Variants in ULK4 observed in about 807,000 individuals in gnomAD.
ULK4 encodes inactive serine/threonine-protein kinase ULK4.
ULK4 carries 133 observed loss-of-function variants against 160.6 expected under a neutral mutation model. That is an observed-to-expected ratio of 0.83 (90% CI 0.72 to 0.96). The LOEUF is 0.96. Ranked by LOEUF, ULK4 falls within the 40% of genes least tolerant of loss-of-function variation. ULK4 has a pLI of 0.00. For synonymous variants in ULK4, 534 were observed against 539.8 expected (o/e 0.99, Z 0.15); for missense variants, 1,580 against 1,499.5 (o/e 1.05, Z -0.89).
At chr3:41,773,926 C>T (rs1245241320) in intron 21 of ULK4, among the ~76,000 whole-genome samples, 3 of 152,162 alleles carry the variant, frequency 2.0e-5, no homozygotes, top group Non-Finnish European at 2.9e-5. Context: ...CGCATATCTA[C>T]AACTATCTGA....
chr3:41,750,786 G>A (rs528499483), intron 22 of ULK4, among the ~76,000 whole-genome samples: 58 of 151,734 alleles, frequency 3.8e-4, no homozygotes, highest in African/African-American at 1.1e-3. Flanking sequence ...ATTTGAGGTC[G>A]GGAGTTCAGC....
intron 35 of ULK4, among the ~76,000 whole-genome samples, chr3:41,319,949 T>C (rs1182473186): frequency 6.6e-6 from 1 of 152,238 alleles, no homozygotes; most frequent in Non-Finnish European, 1.5e-5. Flanking sequence ...ATTGATTCCA[T>C]AGTTTCTTCA....
intron 32 of ULK4, among the ~76,000 whole-genome samples, chr3:41,484,674 G>T (rs555904361): frequency 6.9e-4 from 105 of 152,132 alleles, no homozygotes; most frequent in African/African-American, 2.3e-3. Flanking sequence ...GGATGGTCTT[G>T]ATCTCCTGAC....
intron 16 of ULK4, among the ~76,000 whole-genome samples, chr3:41,894,076 T>A (rs1041467792): frequency 6.6e-6 from 1 of 152,200 alleles, no homozygotes; most frequent in Non-Finnish European, 1.5e-5. Context: ...AAAAACAGTA[T>A]GTGTGAATTT....
chr3:41,492,722 G>A (rs184871395), intron 32 of ULK4, among the ~76,000 whole-genome samples: 5,883 of 151,866 alleles, frequency 0.039, 371 homozygotes, highest in African/African-American at 0.13. Context: ...AAAATAAAAG[G>A]ATGGAGGAAG....
At chr3:41,484,862 T>G (rs551689612) in intron 32 of ULK4, among the ~76,000 whole-genome samples, 2 of 152,344 alleles carry the variant, frequency 1.3e-5, no homozygotes, top group Admixed American at 1.3e-4. Context: ...CAGATTGTGG[T>G]AAATGAATAT....
At chr3:41,655,388 GA>G (rs2034899112) in intron 30 of ULK4, among the ~76,000 whole-genome samples, 1 of 105,442 alleles carries the variant, frequency 9.5e-6, no homozygotes, top group Non-Finnish European at 1.8e-5. Context: ...GGGGTGGGGG[GA>G]GGGGGGAGGG....
chr3:41,937,193 T>C (rs1699801044), intron 3 of ULK4: 1 of 475,250 alleles, frequency 2.1e-6, no homozygotes, highest in Non-Finnish European at 3.8e-6. Context: ...GACGTGCAGT[T>C]ACAAACGTAG....
At chr3:41,517,759 G>C (rs1226127625) in intron 32 of ULK4, among the ~76,000 whole-genome samples, 1 of 152,226 alleles carries the variant, frequency 6.6e-6, no homozygotes, top group Non-Finnish European at 1.5e-5. Context: ...ACTCAGGGCT[G>C]TCTCAGCCAC....
chr3:41,729,348 T>C (rs2037752031), intron 22 of ULK4, among the ~76,000 whole-genome samples: 1 of 152,176 alleles, frequency 6.6e-6, no homozygotes, highest in Non-Finnish European at 1.5e-5. Flanking sequence ...CCAATTGCAG[T>C]TCAGGAAGCT....
intron 34 of ULK4, among the ~76,000 whole-genome samples, chr3:41,447,168 GT>G (rs1462027723): frequency 6.7e-6 from 1 of 149,304 alleles, no homozygotes; most frequent in Non-Finnish European, 1.5e-5. Flanking sequence ...CATGACCCAC[GT>G]TTCACAGTTC....
chr3:41,297,667 A>G (rs2125708265), intron 35 of ULK4, among the ~76,000 whole-genome samples: 1 of 152,332 alleles, frequency 6.6e-6, no homozygotes, highest in Non-Finnish European at 1.5e-5. Flanking sequence ...CACTGAATTC[A>G]ACTGAAGCCA....
chr3:41,744,295 C>T (rs1438209468), intron 22 of ULK4, among the ~76,000 whole-genome samples: 1 of 151,882 alleles, frequency 6.6e-6, no homozygotes, highest in Non-Finnish European at 1.5e-5. Flanking sequence ...CAACAATGTG[C>T]TGCCTGTAAG....
chr3:41,821,791 G>A (rs1270150378), intron 18 of ULK4, among the ~76,000 whole-genome samples: 2 of 151,486 alleles, frequency 1.3e-5, no homozygotes, highest in South Asian at 2.1e-4. Context: ...CTAACTCCTC[G>A]CCCACTCCAA....
At chr3:41,385,699 C>T (rs574599808) in intron 35 of ULK4, among the ~76,000 whole-genome samples, 3 of 152,168 alleles carry the variant, frequency 2.0e-5, no homozygotes, top group South Asian at 4.2e-4. Flanking sequence ...AATGCTACAC[C>T]GTGAAACTTT....
chr3:41,479,476 G>C (rs1466149176), intron 32 of ULK4, among the ~76,000 whole-genome samples: 1 of 152,228 alleles, frequency 6.6e-6, no homozygotes, highest in Non-Finnish European at 1.5e-5. Context: ...TGATCAACGG[G>C]AAGGCAGGGA....
intron 35 of ULK4, among the ~76,000 whole-genome samples, chr3:41,308,720 G>A (rs2079994489): frequency 6.6e-6 from 1 of 152,156 alleles, no homozygotes; most frequent in Non-Finnish European, 1.5e-5. Context: ...GAAAGTTTTT[G>A]AATGCTGACA....
At position 41,663,689 on chromosome 3, in the gene ULK4, T is replaced by C; in HGVS notation, c.2989A>G (p.Ile997Val). Residue 997 changes from isoleucine to valine, a missense_variant, in exon 30 of 37, where the codon ATT (isoleucine) becomes GTT (valine). Transcript: ENST00000301831. ...RDVLLPQYEH[I>V]LLEPDPVPAY... ...GGTACTGGGTCAGGTTCTAAAAGAATGTGCTCATACCTGAAATGGTAAAGA... is the reference window on the plus strand; with the variant it reads ...GGTACTGGGTCAGGTTCTAAAAGAACGTGCTCATACCTGAAATGGTAAAGA... The C allele has an allele frequency of 6.2e-7, 1 of 1,613,874 alleles. No homozygotes were observed. The highest frequency in any genetic ancestry group is 8.5e-7 in the Non-Finnish European group (1 of 1,179,808).
At position 41,474,469 on chromosome 3, in the gene ULK4, G is replaced by T. The variant is rs562882644; in HGVS notation, c.3227-11216C>A. ...TTCTGGGCAGTAACTTTTTAGATTT[G>T]ACCTCAAAAGTGCAGGCAACAAAAG... On this transcript the variant is annotated intron_variant, in intron 32 of 36. Transcript: ENST00000301831. Among the ~76,000 whole-genome samples, 286 of 152,096 alleles carry T rather than the reference G, an allele frequency of 1.9e-3. 2 individuals are homozygous for T. The highest frequency in any genetic ancestry group is 3.0e-3 in the Non-Finnish European group (206 of 67,970).
Sources: allele counts gnomAD v4.1 joint callset (sites outside exome capture counted in the v4.1 genomes callset), GRCh38; gene constraint gnomAD v4.1.1; transcripts MANE v1.5; gene names NCBI Gene and HGNC (gene_info 2026-07-23, HGNC 2026-07-21).